MAST4: variants seen among roughly 807,000 people sequenced by gnomAD.
MAST4 encodes the protein microtubule-associated serine/threonine-protein kinase 4.
MAST4 carries 89 observed loss-of-function variants against 162.7 expected under a neutral mutation model. The observed-to-expected ratio is 0.55, with a 90% CI of 0.46 to 0.65. The LOEUF is 0.65. Ranked by LOEUF, MAST4 falls within the 30% of genes least tolerant of loss-of-function variation. MAST4 has a pLI of 0.00. For missense variants in MAST4, 3,153 were observed against 3,374.0 expected (o/e 0.93, Z 1.62); for synonymous variants, 1,479 against 1,361.1 (o/e 1.09, Z -1.91).
In MAST4 at chr5:67,166,213, T is replaced by C. The variant is rs1773931933; in HGVS notation, c.7034T>C (p.Leu2345Pro). The C allele has an allele frequency of 1.3e-6, 2 of 1,552,648 alleles. No individual in the cohort carries two copies. Among genetic ancestry groups the C allele is most frequent in the Admixed American group, 2.0e-5 (1 of 51,020 alleles). The change falls in exon 29 of 29, where the codon CTG becomes CCG. Residue 2345 changes from leucine (L) to proline (P), a missense_variant. Leu to Pro is a moderately conservative substitution (Grantham distance 98). This residue lies in a region of MAST4 where 1,644 missense variants were observed against 1,495.0 expected (regional missense o/e 1.10). Transcript: ENST00000403625. ...KPSTVKDCPTLCKQTDNRQTD... is the reference protein window; with the variant it reads ...KPSTVKDCPTPCKQTDNRQTD... ...TCCACTGTGAAAGATTGCCCCACCC[T>C]GTGCAAACAGACAGACAACAGACAG...
intron 4 of MAST4, among the ~76,000 whole-genome samples, chr5:66,999,083 C>T (rs1024241534): frequency 6.6e-6 from 1 of 152,334 alleles, no homozygotes; most frequent in South Asian, 2.1e-4. Flanking sequence ...ATTGATGGAT[C>T]TTCCAGACAG....
intron 2 of MAST4, among the ~76,000 whole-genome samples, chr5:66,779,019 C>A (rs960144364): frequency 2.6e-5 from 4 of 152,210 alleles, no homozygotes; most frequent in African/African-American, 4.8e-5. Context: ...TAGGAGCTTC[C>A]TTTCACAGCA....
At chr5:66,698,096 C>T (rs966413551) in intron 1 of MAST4, among the ~76,000 whole-genome samples, 1 of 152,074 alleles carries the variant, frequency 6.6e-6, no homozygotes. Flanking sequence ...CGTGGCCTGG[C>T]TTCCCTCCTA....
intron 4 of MAST4, among the ~76,000 whole-genome samples, chr5:66,928,474 A>T (rs1765066728): frequency 6.6e-6 from 1 of 152,206 alleles, no homozygotes; most frequent in Non-Finnish European, 1.5e-5. Flanking sequence ...TTCACGCTCA[A>T]TCCGGGCTTT....
At chr5:67,114,484 G>C in intron 12 of MAST4, 1 of 355,140 alleles carries the variant, frequency 2.8e-6, no homozygotes, top group Non-Finnish European at 5.0e-6. Context: ...ATGCCAGAGT[G>C]TCCCAGAAGG....
At chr5:66,925,175 C>G (rs183399803) in intron 4 of MAST4, among the ~76,000 whole-genome samples, 11 of 152,198 alleles carry the variant, frequency 7.2e-5, no homozygotes, top group Non-Finnish European at 1.0e-4. Context: ...TCTGCACAGA[C>G]CAGTTATGTA....
chr5:66,789,848 A>G, intron 3 of MAST4: 1 of 474,448 alleles, frequency 2.1e-6, no homozygotes, highest in South Asian at 1.5e-5. Context: ...TGCCTGGATC[A>G]CTCTTTTCTA....
intron 1 of MAST4, among the ~76,000 whole-genome samples, chr5:66,684,455 G>A (rs969023727): frequency 3.5e-4 from 54 of 152,204 alleles, no homozygotes; most frequent in Admixed American, 5.9e-4. Flanking sequence ...CATTTGAAGC[G>A]ACAGTAGGTT....
At chr5:66,942,521 T>C (rs1361740129) in intron 4 of MAST4, among the ~76,000 whole-genome samples, 1 of 152,142 alleles carries the variant, frequency 6.6e-6, no homozygotes, top group Non-Finnish European at 1.5e-5. Context: ...ATTTAAAAGT[T>C]ATTTAGGTAT....
At chr5:67,093,592 A>T in intron 6 of MAST4, 1 of 459,228 alleles carries the variant, frequency 2.2e-6, no homozygotes, top group Middle Eastern at 3.3e-4. Context: ...TACTGAGCAC[A>T]TTCTCGTTTA....
intron 1 of MAST4, among the ~76,000 whole-genome samples, chr5:66,616,991 T>C (rs899877649): frequency 6.6e-6 from 1 of 152,226 alleles, no homozygotes; most frequent in Non-Finnish European, 1.5e-5. Flanking sequence ...CTAAAGTGGT[T>C]GAGCCTTGAA....
intron 3 of MAST4, among the ~76,000 whole-genome samples, chr5:66,889,856 A>C (rs1762259020): frequency 6.6e-6 from 1 of 152,208 alleles, no homozygotes; most frequent in Non-Finnish European, 1.5e-5. Context: ...TGGAAATTGA[A>C]TCTTAGGGAA....
chr5:67,126,087 AGTT>A (rs1383200507), intron 14 of MAST4, among the ~76,000 whole-genome samples: 1 of 150,776 alleles, frequency 6.6e-6, no homozygotes, highest in Non-Finnish European at 1.5e-5. Flanking sequence ...TTTTTGACGG[AGTT>A]GTTTGTTTTT....
At chr5:66,657,720 T>G (rs1404772951) in intron 1 of MAST4, among the ~76,000 whole-genome samples, 1 of 152,196 alleles carries the variant, frequency 6.6e-6, no homozygotes, top group Non-Finnish European at 1.5e-5. Context: ...TGTTCTTTCT[T>G]CCTACTTTGC....
intron 3 of MAST4, among the ~76,000 whole-genome samples, chr5:66,832,811 A>C (rs1436736255): frequency 1.3e-5 from 2 of 152,232 alleles, no homozygotes; most frequent in African/African-American, 2.4e-5. Context: ...TTATGATAAT[A>C]TTAATTCATC....
rs187382829 is a variant in MAST4, at chr5:66,907,616, G to C, written c.674+7634G>C. 1.1e-3 allele frequency among the ~76,000 whole-genome samples: 170 copies of C among 151,174 alleles called. 1 individual carries two copies. The highest frequency in any genetic ancestry group is 3.5e-3 in the African/African-American group (143 of 41,074). Reference sequence around the variant, plus strand: ...TGTGTGTGTGTGTGTGTGTGTGTGTGTGTGTGTGTGTGTGTGTGTGTATTT... The same window carrying C: ...TGTGTGTGTGTGTGTGTGTGTGTGTCTGTGTGTGTGTGTGTGTGTGTATTT... On this transcript the variant is annotated intron_variant, in intron 4 of 28. Coordinates refer to ENST00000403625, the MANE Select transcript of MAST4 (RefSeq NM_001164664.2).
intron 1 of MAST4, among the ~76,000 whole-genome samples, chr5:66,663,731 T>C (rs1252009146): frequency 1.3e-5 from 2 of 151,802 alleles, no homozygotes; most frequent in African/African-American, 2.4e-5. Flanking sequence ...ATAGGACCTG[T>C]GGGCCATTTT....
chr5:66,699,275 A>T (rs1749611643), intron 1 of MAST4, among the ~76,000 whole-genome samples: 1 of 152,142 alleles, frequency 6.6e-6, no homozygotes, highest in Non-Finnish European at 1.5e-5. Context: ...TTTAATTCTC[A>T]GTCAAATGTT....
chr5:66,731,533 A>G (rs543631193), intron 1 of MAST4, among the ~76,000 whole-genome samples: 5 of 152,294 alleles, frequency 3.3e-5, no homozygotes, highest in Middle Eastern at 6.8e-3. Flanking sequence ...CCATCATTCT[A>G]TTCAGCTTTT....
Sources: gnomAD v4.1 joint callset for allele counts (sites outside exome capture counted in the v4.1 genomes callset) on GRCh38, gnomAD v4.1.1 for gene constraint, gnomAD v4.1.1 regional missense constraint, MANE v1.5 for transcripts, NCBI Gene and HGNC (gene_info 2026-07-23, HGNC 2026-07-21) for gene names.